GPD2: variants seen among roughly 807,000 people sequenced by gnomAD.
The protein encoded by GPD2 is glycerol-3-phosphate dehydrogenase 2.
Under a neutral mutation model 82.4 loss-of-function variants are expected in GPD2, and 54 were observed. The observed-to-expected ratio is 0.66, with a 90% CI of 0.53 to 0.82. The LOEUF is 0.82. Ranked by LOEUF, GPD2 falls within the 40% of genes least tolerant of loss-of-function variation. GPD2 has a pLI of 0.00. For synonymous variants in GPD2, 288 were observed against 306.1 expected (o/e 0.94, Z 0.62); for missense variants, 748 against 896.2 (o/e 0.83, Z 2.11).
the GPD2 span, among the ~76,000 whole-genome samples, chr2:156,411,325 A>T: frequency 6.6e-6 from 1 of 151,774 alleles, no homozygotes. Context: ...TTATTTTTAA[A>T]TTTTTTTGAG....
At chr2:156,448,800 C>A (rs1682455252) in intron 1 of GPD2, among the ~76,000 whole-genome samples, 1 of 152,218 alleles carries the variant, frequency 6.6e-6, no homozygotes, top group African/African-American at 2.4e-5. Flanking sequence ...GCTGCTGTAA[C>A]AAATGACCAC....
chr2:156,560,168 G>C (rs1334826956), intron 9 of GPD2, among the ~76,000 whole-genome samples: 1 of 152,208 alleles, frequency 6.6e-6, no homozygotes, highest in Non-Finnish European at 1.5e-5. Context: ...GCTGGAAGCA[G>C]GTGTGGGTTC....
Position 156,513,486 on chromosome 2 carries a change from C to G in GPD2, c.651C>G (p.Val217=), listed in dbSNP as rs1459435627. The change falls in exon 6 of 17, where the codon GTC becomes GTG. Residue 217 remains valine, a synonymous_variant. Coordinates refer to ENST00000438166, the MANE Select transcript of GPD2 (RefSeq NM_000408.5). ...LQKDKLVGAI[V]YYDGQHNDAR... is the part of the protein sequence containing the mutation. ...AGGACAAACTGGTAGGAGCAATTGT[C>G]TACTATGACGGTATGTGATGTTTTT... is the stretch of plus-strand genomic sequence containing the variant. The G allele has an allele frequency of 1.2e-6, 2 of 1,604,276 alleles. No homozygotes were observed. The highest frequency in any genetic ancestry group is 1.3e-5 in the African/African-American group (1 of 74,532).
At chr2:156,539,864 C>G (rs747891364) in intron 6 of GPD2, among the ~76,000 whole-genome samples, 1 of 152,096 alleles carries the variant, frequency 6.6e-6, no homozygotes, top group Non-Finnish European at 1.5e-5. Flanking sequence ...TTGTATAATT[C>G]GATTCTTGAG....
chr2:156,452,548 G>C (rs1399790821), intron 1 of GPD2, among the ~76,000 whole-genome samples: 1 of 152,168 alleles, frequency 6.6e-6, no homozygotes, highest in Non-Finnish European at 1.5e-5. Context: ...AGAGGGAGAG[G>C]GAGACCGTGG....
At chr2:156,561,854 C>T (rs936286725) in intron 9 of GPD2, among the ~76,000 whole-genome samples, 4 of 152,186 alleles carry the variant, frequency 2.6e-5, no homozygotes, top group African/African-American at 9.7e-5. Context: ...GCAGCTGCCA[C>T]ACTTCTGCAA....
At chr2:156,542,444 C>T (rs753587431) in intron 6 of GPD2, among the ~76,000 whole-genome samples, 4 of 152,162 alleles carry the variant, frequency 2.6e-5, no homozygotes, top group African/African-American at 4.8e-5. Context: ...AATTCATAAA[C>T]TTGGAATATT....
the GPD2 span, among the ~76,000 whole-genome samples, chr2:156,412,794 A>G: frequency 1.3e-5 from 2 of 152,208 alleles, no homozygotes; most frequent in African/African-American, 2.4e-5. Flanking sequence ...AGAAAATTAT[A>G]CCTTTTAAAA....
intron 1 of GPD2, among the ~76,000 whole-genome samples, chr2:156,467,961 A>G (rs536887986): frequency 6.6e-6 from 1 of 152,168 alleles, no homozygotes; most frequent in South Asian, 2.1e-4. Context: ...CAGGCAGAGT[A>G]CTAATCATGA....
Position 156,569,492 on chromosome 2 carries a change from C to G in GPD2, c.1430C>G (p.Pro477Arg), listed in dbSNP as rs1465545678. ...LFLQGGKDWS[P>R]TLYIRLVQDY... ...CTTCAAGGGGGTAAAGATTGGAGCC[C>G]CACACTCTACATTAGGCTTGTGCAG... Residue 477 changes from proline to arginine, a missense_variant, in exon 11 of 17, where the codon CCC becomes CGC. Physicochemically the swap from Pro to Arg is moderately radical, Grantham distance 103 (BLOSUM62 -2). Coordinates refer to ENST00000438166, the MANE Select transcript of GPD2 (RefSeq NM_000408.5). 2 of 1,613,046 alleles carry G rather than the reference C, an allele frequency of 1.2e-6. No individual in the cohort carries two copies. Among genetic ancestry groups the G allele is most frequent in the Middle Eastern group, 3.3e-4 (2 of 6,050 alleles).
At chr2:156,540,195 T>C (rs1686252810) in intron 6 of GPD2, among the ~76,000 whole-genome samples, 1 of 152,212 alleles carries the variant, frequency 6.6e-6, no homozygotes, top group African/African-American at 2.4e-5. Flanking sequence ...CACCGAAGAC[T>C]TGATTGCTCA....
the GPD2 span, among the ~76,000 whole-genome samples, chr2:156,408,499 A>T: frequency 1.3e-5 from 2 of 151,900 alleles, no homozygotes; most frequent in Non-Finnish European, 2.9e-5. Flanking sequence ...ACCGACCTGG[A>T]TGCATGGCTT....
rs192448956 is a variant in GPD2 at position 156,555,108 on chromosome 2, C to T, written c.972-2281C>T. 1.1e-3 allele frequency among the ~76,000 whole-genome samples: 168 copies of T among 152,208 alleles called. 1 individual carries two copies. The Middle Eastern group carries it at 0.031, about 28-fold the overall frequency. ...CCTTCATGAGAAAACAGACTTTTCC[C>T]GAAGGGAAAATATGAATTAGGTAAT... On this transcript the variant is annotated intron_variant, in intron 8 of 16. Transcript: ENST00000438166.
At chr2:156,511,309 T>C (rs1380112962) in intron 4 of GPD2, among the ~76,000 whole-genome samples, 1 of 152,226 alleles carries the variant, frequency 6.6e-6, no homozygotes, top group Non-Finnish European at 1.5e-5. Flanking sequence ...ACTGCAGTCA[T>C]AGGCTCATAT....
intron 1 of GPD2, among the ~76,000 whole-genome samples, chr2:156,459,150 G>A (rs975722625): frequency 5.3e-5 from 8 of 152,162 alleles, no homozygotes; most frequent in Admixed American, 3.9e-4. Context: ...CCTACAAGGT[G>A]AAGAAATTCT....
At chr2:156,548,466 C>T (rs567618866) in intron 6 of GPD2, among the ~76,000 whole-genome samples, 4 of 152,172 alleles carry the variant, frequency 2.6e-5, no homozygotes, top group East Asian at 1.9e-4. Flanking sequence ...GGTTCTTAGC[C>T]GATTATATTA....
intron 9 of GPD2, among the ~76,000 whole-genome samples, chr2:156,562,707 A>G (rs1224834234): frequency 1.3e-5 from 2 of 152,234 alleles, no homozygotes; most frequent in Non-Finnish European, 2.9e-5. Context: ...CTTGCCAAGT[A>G]TGAGTAAAAA....
At chr2:156,553,524 C>G (rs1401120732) in intron 8 of GPD2, among the ~76,000 whole-genome samples, 1 of 152,042 alleles carries the variant, frequency 6.6e-6, no homozygotes, top group African/African-American at 2.4e-5. Flanking sequence ...AAGTACATAA[C>G]TAGAAATTTC....
chr2:156,488,843 G>A (rs1480143681), intron 2 of GPD2, among the ~76,000 whole-genome samples: 1 of 151,704 alleles, frequency 6.6e-6, no homozygotes, highest in African/African-American at 2.4e-5. Context: ...GATGAAAATT[G>A]GTAAACAAGT....
Sources: allele counts gnomAD v4.1 joint callset (sites outside exome capture counted in the v4.1 genomes callset), GRCh38; gene constraint gnomAD v4.1.1; transcripts MANE v1.5; gene names NCBI Gene and HGNC (gene_info 2026-07-23, HGNC 2026-07-21).